The following GPC6 variants were observed in gnomAD, a reference collection of about 807,000 sequenced individuals.
The protein encoded by GPC6 is glypican-6.
GPC6 carries 14 observed loss-of-function variants against 55.2 expected under a neutral mutation model. That is an observed-to-expected ratio of 0.25 (90% CI 0.17 to 0.40). The LOEUF (loss-of-function observed/expected upper bound fraction) is 0.40, where lower values mean the gene tolerates loss of function less well. GPC6 is among the 10% of genes least tolerant of loss of function. The pLI, the probability that GPC6 is intolerant of heterozygous loss-of-function variation, is 1.00. For missense variants in GPC6, 641 were observed against 708.5 expected (o/e 0.90, Z 1.08); for synonymous variants, 278 against 259.6 (o/e 1.07, Z -0.68).
At chr13:93,814,275 A>G (rs1197998401) in intron 2 of GPC6, among the ~76,000 whole-genome samples, 2 of 152,178 alleles carry the variant, frequency 1.3e-5, no homozygotes, top group Admixed American at 6.5e-5. Context: ...TTCTAGAAAA[A>G]TGTTAAGCAG....
chr13:94,026,668 G>T (rs534728952), intron 3 of GPC6, among the ~76,000 whole-genome samples: 1 of 152,134 alleles, frequency 6.6e-6, no homozygotes, highest in Admixed American at 6.6e-5. Context: ...ATAAAGCACT[G>T]CCCGAGAGTA....
At chr13:93,336,978 G>A (rs149240771) in intron 1 of GPC6, among the ~76,000 whole-genome samples, 26 of 152,212 alleles carry the variant, frequency 1.7e-4, no homozygotes, top group Non-Finnish European at 7.4e-5. Flanking sequence ...ATTTTCTGCC[G>A]TATTTAACAT....
intron 3 of GPC6, among the ~76,000 whole-genome samples, chr13:93,893,482 A>C (rs1875813184): frequency 6.6e-6 from 1 of 152,194 alleles, no homozygotes; most frequent in Non-Finnish European, 1.5e-5. Context: ...GTTGTAATAG[A>C]AAATTAAAGG....
intron 4 of GPC6, among the ~76,000 whole-genome samples, chr13:94,264,141 T>C (rs1389294656): frequency 1.3e-5 from 2 of 152,208 alleles, no homozygotes; most frequent in Non-Finnish European, 2.9e-5. Context: ...TGAAGAGATA[T>C]CATCAATTCC....
At chr13:94,286,566 G>A in intron 5 of GPC6, 87 bp downstream of exon 5, 1 of 1,205,074 alleles carries the variant, frequency 8.3e-7, no homozygotes, top group Non-Finnish European at 1.2e-6. Context: ...TATGTCGGCT[G>A]GGCTTATAAA....
At chr13:94,010,563 G>A (rs1224049854) in intron 3 of GPC6, among the ~76,000 whole-genome samples, 3 of 152,074 alleles carry the variant, frequency 2.0e-5, no homozygotes, top group Non-Finnish European at 2.9e-5. Flanking sequence ...TTTGGTGTTA[G>A]CATTTTTATG....
intron 2 of GPC6, among the ~76,000 whole-genome samples, chr13:93,685,423 A>G (rs943504711): frequency 1.3e-5 from 2 of 152,188 alleles, no homozygotes; most frequent in East Asian, 1.9e-4. Flanking sequence ...AATTTTGCTC[A>G]TACTATCTCC....
At chr13:93,634,320 C>T (rs1033096657) in intron 2 of GPC6, among the ~76,000 whole-genome samples, 2 of 152,172 alleles carry the variant, frequency 1.3e-5, no homozygotes, top group Non-Finnish European at 2.9e-5. Context: ...CCACCTCCTG[C>T]CTGTCCTCAA....
intron 4 of GPC6, among the ~76,000 whole-genome samples, chr13:94,286,127 T>C (rs1008507192): frequency 1.3e-5 from 2 of 152,366 alleles, no homozygotes; most frequent in Non-Finnish European, 2.9e-5. Context: ...TTTTCTTATT[T>C]TCAGCCCTGG....
intron 3 of GPC6, among the ~76,000 whole-genome samples, chr13:93,935,326 T>A (rs907403953): frequency 6.6e-6 from 1 of 152,204 alleles, no homozygotes; most frequent in Admixed American, 6.5e-5. Flanking sequence ...AGGTACTTAT[T>A]GTTGAGTTCC....
At chr13:93,561,444 T>C (rs1030777851) in intron 2 of GPC6, among the ~76,000 whole-genome samples, 2 of 148,578 alleles carry the variant, frequency 1.3e-5, no homozygotes, top group Non-Finnish European at 3.0e-5. Context: ...AGTTCTTATA[T>C]TCTAATACTG....
At chr13:94,119,952 A>G (rs1886568334) in intron 4 of GPC6, among the ~76,000 whole-genome samples, 1 of 152,154 alleles carries the variant, frequency 6.6e-6, no homozygotes, top group Non-Finnish European at 1.5e-5. Context: ...TATTTCTTAC[A>G]TATAGATAAA....
chr13:94,182,045 A>G (rs992166929), intron 4 of GPC6, among the ~76,000 whole-genome samples: 5 of 152,188 alleles, frequency 3.3e-5, no homozygotes, highest in African/African-American at 7.2e-5. Context: ...GAGCCACGCA[A>G]TGTAGACCCA....
At chr13:93,381,161 A>G (rs723850) in intron 1 of GPC6, among the ~76,000 whole-genome samples, 117,947 of 152,006 alleles carry the variant, frequency 0.78, 46,278 homozygotes, top group Non-Finnish European at 0.84. Flanking sequence ...AAATCATATC[A>G]TATTAAAAAT....
chr13:94,169,022 G>A (rs1016544103), intron 4 of GPC6, among the ~76,000 whole-genome samples: 2 of 152,150 alleles, frequency 1.3e-5, no homozygotes, highest in African/African-American at 2.4e-5. Flanking sequence ...TTCGTAAGAG[G>A]CTTAGGCAAG....
intron 2 of GPC6, among the ~76,000 whole-genome samples, chr13:93,558,215 A>AG (rs1334753194): frequency 6.6e-6 from 1 of 152,218 alleles, no homozygotes; most frequent in Non-Finnish European, 1.5e-5. Context: ...TAAAAAGCCT[A>AG]GCATAAGTCT....
At chr13:93,717,350 A>C (rs1566501701) in intron 2 of GPC6, among the ~76,000 whole-genome samples, 1 of 151,646 alleles carries the variant, frequency 6.6e-6, no homozygotes, top group African/African-American at 2.4e-5. Flanking sequence ...AATAAGTTGG[A>C]AAATAAATAA....
At chr13:93,616,548 G>A (rs984014729) in intron 2 of GPC6, among the ~76,000 whole-genome samples, 2 of 152,038 alleles carry the variant, frequency 1.3e-5, no homozygotes, top group Non-Finnish European at 2.9e-5. Flanking sequence ...CTCTGGATTT[G>A]CAAGAGTCAA....
chr13:94,202,490 A>G (rs1889783621), intron 4 of GPC6, among the ~76,000 whole-genome samples: 1 of 152,198 alleles, frequency 6.6e-6, no homozygotes, highest in Non-Finnish European at 1.5e-5. Context: ...AACGCCTTAT[A>G]AAACCATCAG....
Sources: gnomAD v4.1 joint callset for allele counts (sites outside exome capture counted in the v4.1 genomes callset) on GRCh38, gnomAD v4.1.1 for gene constraint, MANE v1.5 for transcripts, NCBI Gene and HGNC (gene_info 2026-07-23, HGNC 2026-07-21) for gene names.